Variants in ADK observed in about 807,000 individuals in gnomAD.
ADK encodes adenosine kinase.
In ADK, 24 loss-of-function variants were observed where a neutral mutation model predicts 44.7. That is an observed-to-expected ratio of 0.54 (90% CI 0.39 to 0.76). ADK has a LOEUF of 0.76. ADK is among the 30% of genes least tolerant of loss of function. The pLI, the probability that ADK is intolerant of heterozygous loss-of-function variation, is 0.00. For synonymous variants in ADK, 128 were observed against 142.6 expected, an observed-to-expected ratio of 0.90 and a Z score of 0.73; for missense variants, 321 against 425.1, an observed-to-expected ratio of 0.76 and a Z score of 2.15.
At chr10:74,443,661 A>C (rs1210312812) in intron 6 of ADK, among the ~76,000 whole-genome samples, 1 of 152,152 alleles carries the variant, frequency 6.6e-6, no homozygotes, top group Non-Finnish European at 1.5e-5. Flanking sequence ...AAAAATCACG[A>C]ATTGTATGCT....
intron 9 of ADK, among the ~76,000 whole-genome samples, chr10:74,656,768 T>A (rs1024858609): frequency 6.6e-6 from 1 of 152,188 alleles, no homozygotes; most frequent in African/African-American, 2.4e-5. Context: ...CAGTAGCCAC[T>A]CAATAAATGT....
chr10:74,521,907 A>G (rs1331620805), intron 6 of ADK, among the ~76,000 whole-genome samples: 1 of 152,230 alleles, frequency 6.6e-6, no homozygotes, highest in Admixed American at 6.5e-5. Context: ...AATGGATTCA[A>G]TTTTTAAATG....
intron 7 of ADK, among the ~76,000 whole-genome samples, chr10:74,536,630 A>G (rs376745460): frequency 6.6e-6 from 1 of 151,620 alleles, no homozygotes; most frequent in African/African-American, 2.4e-5. Flanking sequence ...CCCAAGCAGA[A>G]GCTCTGTACC....
intron 3 of ADK, among the ~76,000 whole-genome samples, chr10:74,273,879 C>T (rs745389420): frequency 6.6e-5 from 10 of 152,164 alleles, no homozygotes; most frequent in Non-Finnish European, 1.5e-4. Context: ...TTCATGTTGT[C>T]CTAAACCTTA....
At chr10:74,202,156 A>G (rs1251351741) in intron 2 of ADK, among the ~76,000 whole-genome samples, 4 of 152,120 alleles carry the variant, frequency 2.6e-5, no homozygotes, top group African/African-American at 9.7e-5. Context: ...GAATTTGTCT[A>G]TTCTGAGCAT....
chr10:74,218,954 C>T (rs979071222), intron 2 of ADK, among the ~76,000 whole-genome samples: 3 of 152,054 alleles, frequency 2.0e-5, no homozygotes, highest in Non-Finnish European at 4.4e-5. Context: ...GAAGAAACTG[C>T]ATCAACTAAC....
At chr10:74,602,975 C>T (rs1011743730) in intron 9 of ADK, among the ~76,000 whole-genome samples, 1 of 152,240 alleles carries the variant, frequency 6.6e-6, no homozygotes, top group South Asian at 2.1e-4. Context: ...TGCAATCATT[C>T]GCCAGGCTCT....
At chr10:74,283,859 T>C (rs1292695393) in intron 3 of ADK, among the ~76,000 whole-genome samples, 1 of 151,468 alleles carries the variant, frequency 6.6e-6, no homozygotes, top group Non-Finnish European at 1.5e-5. Flanking sequence ...TTTTTGTATT[T>C]TTAGTAGAGA....
At chr10:74,173,933 AT>A (rs1347100006) in intron 1 of ADK, among the ~76,000 whole-genome samples, 1 of 152,134 alleles carries the variant, frequency 6.6e-6, no homozygotes, top group Non-Finnish European at 1.5e-5. Flanking sequence ...ACTCTTTACT[AT>A]AGTTAATTAA....
chr10:74,667,300 C>A (rs562816725), intron 9 of ADK, among the ~76,000 whole-genome samples: 1 of 151,882 alleles, frequency 6.6e-6, no homozygotes, highest in Non-Finnish European at 1.5e-5. Flanking sequence ...GAGTTTATGA[C>A]GCATCTTTTG....
At chr10:74,685,527 T>C (rs1475990131) in intron 10 of ADK, among the ~76,000 whole-genome samples, 5 of 152,214 alleles carry the variant, frequency 3.3e-5, no homozygotes, top group Non-Finnish European at 2.9e-5. Context: ...TTGTAAAATA[T>C]TGTTGCATAA....
chr10:74,582,780 A>C (rs1048094084), intron 7 of ADK, among the ~76,000 whole-genome samples: 1 of 152,188 alleles, frequency 6.6e-6, no homozygotes, highest in Non-Finnish European at 1.5e-5. Context: ...GCACTCAATA[A>C]AATGTTAAAT....
chr10:74,335,097 G>A (rs192211569), intron 4 of ADK, among the ~76,000 whole-genome samples: 4 of 152,224 alleles, frequency 2.6e-5, no homozygotes, highest in African/African-American at 9.6e-5. Flanking sequence ...GTTCCCTTTG[G>A]CAATGATGCA....
At chr10:74,691,020 C>T (rs1855972141) in intron 10 of ADK, among the ~76,000 whole-genome samples, 1 of 152,176 alleles carries the variant, frequency 6.6e-6, no homozygotes, top group Non-Finnish European at 1.5e-5. Context: ...TTATCTTATT[C>T]CCTTTCCTAA....
chr10:74,486,833 C>G (rs1177735731), intron 6 of ADK, among the ~76,000 whole-genome samples: 2 of 152,118 alleles, frequency 1.3e-5, no homozygotes, highest in Non-Finnish European at 2.9e-5. Flanking sequence ...ATGCTGTTCC[C>G]TTGATGAGGG....
chr10:74,201,268 T>A (rs1379294946), intron 2 of ADK, among the ~76,000 whole-genome samples: 1 of 152,182 alleles, frequency 6.6e-6, no homozygotes, highest in African/African-American at 2.4e-5. Flanking sequence ...GTGCAGGATA[T>A]AATTCAGAGG....
chr10:74,424,535 CAAAAAAAAAAAAAAAAAAAA>C (rs57106986), intron 6 of ADK, among the ~76,000 whole-genome samples: 1 of 58,460 alleles, frequency 1.7e-5, no homozygotes, highest in African/African-American at 7.3e-5. Context: ...AACTCCGTCT[CAAAAAAAAAAAAAAAAAAAA>C]AAAAAAAAAA....
chr10:74,332,496 A>T (rs540857072), intron 4 of ADK, among the ~76,000 whole-genome samples: 3 of 152,306 alleles, frequency 2.0e-5, no homozygotes, highest in East Asian at 3.9e-4. Flanking sequence ...ATAATTATTC[A>T]TGGGAATGTT....
At position 74,366,433 on chromosome 10, in the gene ADK, A is replaced by T. The variant is rs190681969; in HGVS notation, c.274-27708A>T. ...CTTATTTCTGTGATGTTTACTTTTT[A>T]AAAAAAATATTTTTTGCTTTCTTTT... On this transcript the variant is annotated intron_variant, in intron 4 of 10. Coordinates refer to ENST00000539909, the MANE Select transcript of ADK (RefSeq NM_006721.4). Among the ~76,000 whole-genome samples the T allele has an allele frequency of 3.4e-3, 512 of 151,894 alleles. 2 individuals carry two copies. Among genetic ancestry groups the T allele is most frequent in the African/African-American group, 0.011 (450 of 41,282 alleles).
Sources: gnomAD v4.1 joint callset for allele counts (sites outside exome capture counted in the v4.1 genomes callset) on GRCh38, gnomAD v4.1.1 for gene constraint, MANE v1.5 for transcripts, NCBI Gene and HGNC (gene_info 2026-07-23, HGNC 2026-07-21) for gene names.